The following LRP1 variants were observed in gnomAD, a reference collection of about 807,000 sequenced individuals.
LRP1 encodes prolow-density lipoprotein receptor-related protein 1.
In LRP1, 51 loss-of-function variants were observed where a neutral mutation model predicts 541.5. The ratio of observed to expected loss-of-function variants is 0.09; its 90% CI spans 0.08 to 0.12. The LOEUF (loss-of-function observed/expected upper bound fraction) is 0.12. Ranked by LOEUF, LRP1 falls within the 10% of genes least tolerant of loss-of-function variation. LRP1 has a pLI of 1.00. For synonymous variants in LRP1, 2,219 were observed against 2,470.8 expected, an observed-to-expected ratio of 0.90 and a Z score of 3.02; for missense variants, 3,878 against 6,376.2, an observed-to-expected ratio of 0.61 and a Z score of 13.34.
At position 57,184,727 on chromosome 12, in the gene LRP1, G is replaced by A; in HGVS notation, c.6187-112G>A. On this transcript the variant is annotated intron_variant, in intron 38 of 88. Transcript: ENST00000243077. This position sits in a 1 kb window ranked among gnomAD's most constrained non-coding sequence, Gnocchi z 7.8. Reference sequence around the variant, plus strand: ...GTATGCAGGAGGCAGGAGTGAGTTAGGGGAGGCTGAACTGAGGGCCTCACT... The same window carrying A: ...GTATGCAGGAGGCAGGAGTGAGTTAAGGGAGGCTGAACTGAGGGCCTCACT... 8.3e-7 allele frequency: 1 copy of A among 1,211,442 alleles called. No homozygotes were observed. The highest frequency in any genetic ancestry group is 1.2e-6 in the Non-Finnish European group (1 of 865,878). 75.0% of individuals were successfully genotyped at this position (1,211,442 alleles called of 1,614,324 possible). A position where few individuals can be genotyped will look rare whatever the true frequency, so the allele number is the denominator to read the frequency against.
intron 41 of LRP1, 100 bp downstream of exon 41, chr12:57,186,008 C>G: frequency 7.4e-7 from 1 of 1,351,656 alleles, no homozygotes; most frequent in South Asian, 1.5e-5. Flanking sequence ...AGGTCTGAAT[C>G]CCAGCAGCTA....
At chr12:57,208,661 C>A in intron 77 of LRP1, 50 bp from the exon 78 acceptor site, 1 of 1,207,668 alleles carries the variant, frequency 8.3e-7, no homozygotes, top group South Asian at 1.3e-5. Flanking sequence ...CCTGGGCCTG[C>A]CTCCTCTGGC....
intron 1 of LRP1, among the ~76,000 whole-genome samples, chr12:57,136,674 C>T (rs73340534): frequency 1.3e-3 from 194 of 152,270 alleles, no homozygotes; most frequent in African/African-American, 4.5e-3. Context: ...GGTGACTGTT[C>T]CTCCTGTGGA....
At position 57,193,026 on chromosome 12, in the gene LRP1, G is replaced by T. The variant is rs1312473304; in HGVS notation, c.7555+56G>T. The T allele has an allele frequency of 7.5e-6, 12 of 1,598,268 alleles. No homozygotes were observed. In the Admixed American group the frequency reaches 2.0e-4, roughly 27 times the overall value. On this transcript the variant is annotated intron_variant, in intron 45 of 88. Coordinates refer to ENST00000243077, the MANE Select transcript of LRP1 (RefSeq NM_002332.3). ...GGAACCCAAGCACACACCAGGGATG[G>T]TGACCATCTCCCCTACATGCTCCAG... is the stretch of plus-strand genomic sequence containing the variant.
At position 57,204,718 on chromosome 12, in the gene LRP1, C is replaced by T. The variant is rs1565753906; in HGVS notation, c.11163C>T (p.Asn3721=). 6 of 1,614,040 alleles carry T rather than the reference C, an allele frequency of 3.7e-6. No individual in the cohort carries two copies. The South Asian group carries it at 6.6e-5, about 18-fold the overall frequency. The part of the protein sequence containing the change: ...WIGRQCDGTD[N]CGDGTDEEDC... ...GGCGCCAATGCGATGGCACGGACAA[C>T]TGTGGGGATGGGACTGATGAAGAGG... Residue 3721 remains asparagine (N), a synonymous_variant, in exon 72 of 89, where the codon AAC becomes AAT. Transcript: ENST00000243077. The surrounding 1 kb of genome is among the most constrained non-coding windows in gnomAD (Gnocchi z 5.3).
Position 57,185,813 on chromosome 12 carries a change from C to A in LRP1, c.6746C>A (p.Pro2249Gln). 3 of 1,614,198 alleles carry A rather than the reference C, an allele frequency of 1.9e-6. No individual in the cohort carries two copies. The highest frequency in any genetic ancestry group is 2.5e-6 in the Non-Finnish European group (3 of 1,180,030). The change falls in exon 41 of 89, where the codon CCG becomes CAG. Residue 2249 changes from proline (P) to glutamine (Q), a missense_variant. Transcript: ENST00000243077. This position sits in a 1 kb window ranked among gnomAD's most constrained non-coding sequence, Gnocchi z 4.9. ...TTTGACTACCGGGCAGGCACCTCTC[C>A]GGGCACCCCCAATCGCATCTTCTTC... ...LAFDYRAGTS[P>Q]GTPNRIFFSD...
At chr12:57,147,837 A>T (rs937602306) in intron 6 of LRP1, among the ~76,000 whole-genome samples, 1 of 152,168 alleles carries the variant, frequency 6.6e-6, no homozygotes, top group Non-Finnish European at 1.5e-5. Context: ...GGCCCCCCTG[A>T]GGCCCTGCAG....
At chr12:57,190,691 G>C in intron 42 of LRP1, 114 bp from the exon 43 acceptor site, 1 of 841,018 alleles carries the variant, frequency 1.2e-6, no homozygotes, top group Non-Finnish European at 1.9e-6. Context: ...ATGGCTCTGG[G>C]GTGGCTTTGC....
At chr12:57,144,945 A>G in intron 4 of LRP1, 27 bp from the exon 5 acceptor site, 1 of 1,609,542 alleles carries the variant, frequency 6.2e-7, no homozygotes, top group South Asian at 1.1e-5. Context: ...ACTGGAAATG[A>G]CCACATTCTT....
intron 70 of LRP1, 98 bp downstream of exon 70, chr12:57,203,619 C>G: frequency 7.4e-7 from 1 of 1,344,074 alleles, no homozygotes. Flanking sequence ...TGTATTCATT[C>G]TTCATGCAAC....
chr12:57,161,031 G>A lies in LRP1; in HGVS notation c.2118G>A (p.Leu706=). ...KTVLWPNGLS[L]DIPAGRLYWV... The stretch of plus-strand genomic sequence containing the variant: ...TGCTTTGGCCCAATGGGCTAAGCCT[G>A]GACATCCCGGCTGGGCGCCTCTACT... The change falls in exon 13 of 89, where the codon CTG becomes CTA. Residue 706 remains leucine (L), a synonymous_variant. Transcript: ENST00000243077. The A allele has an allele frequency of 6.2e-7, 1 of 1,613,962 alleles. No homozygotes were observed. Among genetic ancestry groups the A allele is most frequent in the Non-Finnish European group, 8.5e-7 (1 of 1,180,022 alleles).
intron 42 of LRP1, among the ~76,000 whole-genome samples, chr12:57,190,158 G>A (rs985795348): frequency 6.6e-6 from 1 of 152,170 alleles, no homozygotes; most frequent in Non-Finnish European, 1.5e-5. Flanking sequence ...CTCAAAGTAC[G>A]GAGAAGGGGA....
At position 57,201,413 on chromosome 12, in the gene LRP1, G is replaced by A. The variant is rs2036652120; in HGVS notation, c.10346-84G>A. Reference sequence around the variant, plus strand: ...AAGTTGCTGGCAGGACCAAGGCCAGGGCTTGGAAGAGAGAGAAGACAGTGA... The same window carrying A: ...AAGTTGCTGGCAGGACCAAGGCCAGAGCTTGGAAGAGAGAGAAGACAGTGA... On this transcript the variant is annotated intron_variant, in intron 65 of 88. Transcript: ENST00000243077. The surrounding 1 kb of genome is among the most constrained non-coding windows in gnomAD (Gnocchi z 6.4). 6.5e-7 allele frequency: 1 copy of A among 1,536,800 alleles called. No homozygotes were observed. Among genetic ancestry groups the A allele is most frequent in the African/African-American group, 1.4e-5 (1 of 72,964 alleles).
intron 34 of LRP1, among the ~76,000 whole-genome samples, chr12:57,182,134 G>A (rs1383083725): frequency 6.6e-6 from 1 of 152,086 alleles, no homozygotes. Flanking sequence ...GGACCATGTG[G>A]GGATTCACTT....
intron 34 of LRP1, among the ~76,000 whole-genome samples, chr12:57,181,625 A>G (rs2036168225): frequency 6.6e-6 from 1 of 152,152 alleles, no homozygotes; most frequent in African/African-American, 2.4e-5. Context: ...GTGGTGGGCA[A>G]AGTGTGGGGA....
chr12:57,185,991 C>G lies in LRP1; in HGVS notation c.6841+83C>G. 6.9e-7 allele frequency: 1 copy of G among 1,453,430 alleles called. No individual in the cohort carries two copies. The highest frequency in any genetic ancestry group is 9.2e-7 in the Non-Finnish European group (1 of 1,085,700). The allele number at this position is 1,453,430 out of a possible 1,614,324, so 90.0% of individuals were successfully genotyped here. On this transcript the variant is annotated intron_variant, in intron 41 of 88. Transcript: ENST00000243077. This position sits in a 1 kb window ranked among gnomAD's most constrained non-coding sequence, Gnocchi z 4.9. ...GACTCTTAGACCCCAGCCAGGCACT[C>G]TACCCTAGGTCTGAATCCCAGCAGC... is the stretch of plus-strand genomic sequence containing the variant.
In LRP1 at chr12:57,204,999, C is replaced by T; in HGVS notation, c.11195-110C>T. ...GAACCCAAATGTTTGACCTGCTCCC[C>T]CTGCAAGCCTTGTCACTTAGGAATT... On this transcript the variant is annotated intron_variant, in intron 72 of 88. Transcript: ENST00000243077. The surrounding 1 kb of genome is among the most constrained non-coding windows in gnomAD (Gnocchi z 5.3). 6.8e-7 allele frequency: 1 copy of T among 1,480,116 alleles called. No homozygotes were observed. The highest frequency in any genetic ancestry group is 1.4e-5 in the African/African-American group (1 of 71,208). The allele number at this position is 1,480,116 out of a possible 1,614,324, so 91.7% of individuals were successfully genotyped here.
At chr12:57,146,164 T>A (rs2035401784) in intron 6 of LRP1, among the ~76,000 whole-genome samples, 1 of 152,128 alleles carries the variant, frequency 6.6e-6, no homozygotes, top group Admixed American at 6.5e-5. Context: ...TAGCTGGGTG[T>A]AGACCCACTG....
Position 57,183,769 on chromosome 12 carries a change from C to T in LRP1, c.5795-6C>T. On this transcript the variant is annotated splice_region_variant and splice_polypyrimidine_tract_variant and intron_variant, in intron 35 of 88. Transcript: ENST00000243077. This position sits in a 1 kb window ranked among gnomAD's most constrained non-coding sequence, Gnocchi z 6.1. Reference sequence around the variant, plus strand: ...GGCATCCCCATGTCACCTCCTCCACCTCCAGAAAATGACACCATCTACTGG... The same window carrying T: ...GGCATCCCCATGTCACCTCCTCCACTTCCAGAAAATGACACCATCTACTGG... 6.2e-7 allele frequency: 1 copy of T among 1,613,838 alleles called. No homozygotes were observed.
Sources: allele counts gnomAD v4.1 joint callset (sites outside exome capture counted in the v4.1 genomes callset), GRCh38; gene constraint gnomAD v4.1.1; non-coding constraint Gnocchi (gnomAD v3.1); transcripts MANE v1.5; gene names NCBI Gene and HGNC (gene_info 2026-07-23, HGNC 2026-07-21).